TENM3: variants seen among roughly 807,000 people sequenced by gnomAD.
TENM3 encodes the protein teneurin-3.
A neutral mutation model predicts 255.1 loss-of-function variants in TENM3; 63 were observed. The ratio of observed to expected loss-of-function variants is 0.25; its 90% confidence interval spans 0.20 to 0.30. The LOEUF (loss-of-function observed/expected upper bound fraction) is 0.30, where lower values mean the gene tolerates loss of function less well. TENM3 is among the 10% of genes least tolerant of loss of function. The probability of loss-of-function intolerance (pLI) is 1.00; values close to 1 mark genes in which losing one functional copy is unlikely to be tolerated. For missense variants in TENM3, 2,929 were observed against 3,461.1 expected (o/e 0.85, Z 3.86); for synonymous variants, 1,306 against 1,322.3 (o/e 0.99, Z 0.27).
the TENM3 span, chr4:181,976,386 T>G: frequency 6.6e-6 from 1 of 152,232 alleles, no homozygotes; most frequent in South Asian, 2.1e-4. Flanking sequence ...CCCAAAGTGC[T>G]GGGGTTATGG....
At chr4:181,966,871 C>A in the TENM3 span, among the ~76,000 whole-genome samples, 1 of 152,112 alleles carries the variant, frequency 6.6e-6, no homozygotes, top group Non-Finnish European at 1.5e-5. Flanking sequence ...CCCACCTGGA[C>A]CACCTATTAG....
intron 7 of TENM3, among the ~76,000 whole-genome samples, chr4:182,676,680 T>C (rs1261773964): frequency 1.3e-5 from 2 of 152,226 alleles, no homozygotes; most frequent in Non-Finnish European, 2.9e-5. Flanking sequence ...TTAAATGGTC[T>C]ATTAGATAAT....
chr4:182,612,762 C>T (rs1749138985), intron 4 of TENM3, among the ~76,000 whole-genome samples: 1 of 152,072 alleles, frequency 6.6e-6, no homozygotes, highest in African/African-American at 2.4e-5. Context: ...CACACACACA[C>T]ACACACAGTG....
At chr4:181,674,469 C>T in the TENM3 span, among the ~76,000 whole-genome samples, 3 of 149,120 alleles carry the variant, frequency 2.0e-5, no homozygotes, top group African/African-American at 7.4e-5. Flanking sequence ...AGTCAGACAA[C>T]ATCAAATGGT....
At chr4:182,270,796 T>C (rs1188464880) in intron 1 of TENM3, among the ~76,000 whole-genome samples, 2 of 152,230 alleles carry the variant, frequency 1.3e-5, no homozygotes, top group Admixed American at 1.3e-4. Context: ...CCTCTAAAGA[T>C]GGAGAATCTA....
At chr4:182,780,580 C>A (rs577040210) in intron 24 of TENM3, among the ~76,000 whole-genome samples, 199 of 127,318 alleles carry the variant, frequency 1.6e-3, no homozygotes, top group Non-Finnish European at 2.2e-3. Flanking sequence ...TAGTTTTTTC[C>A]AATTCTGTGA....
the TENM3 span, among the ~76,000 whole-genome samples, chr4:182,130,159 T>C: frequency 2.0e-5 from 3 of 152,148 alleles, no homozygotes; most frequent in Admixed American, 6.5e-5. Context: ...TAATGTGCAA[T>C]TTAATTTAAA....
the TENM3 span, among the ~76,000 whole-genome samples, chr4:182,135,676 C>T: frequency 1.3e-5 from 2 of 152,208 alleles, no homozygotes; most frequent in East Asian, 1.9e-4. Flanking sequence ...CGAACTTCGT[C>T]GTAAGTATGT....
At chr4:182,083,632 A>C in the TENM3 span, among the ~76,000 whole-genome samples, 1 of 152,244 alleles carries the variant, frequency 6.6e-6, no homozygotes. Flanking sequence ...TTACATGTCA[A>C]ATCACATACT....
chr4:182,650,889 A>AAAAAATAT (rs1281790163), intron 5 of TENM3, among the ~76,000 whole-genome samples: 20 of 29,750 alleles, frequency 6.7e-4, no homozygotes, highest in Non-Finnish European at 4.6e-4. Flanking sequence ...AATAAAAAAA[A>AAAAAATAT]ATATATATAT....
chr4:182,541,128 A>G (rs946892747), intron 3 of TENM3, among the ~76,000 whole-genome samples: 10 of 152,244 alleles, frequency 6.6e-5, no homozygotes, highest in Non-Finnish European at 1.5e-4. Flanking sequence ...TGGTTCCCAG[A>G]ATTCTAGCTC....
At chr4:181,725,420 C>CTTT in the TENM3 span, among the ~76,000 whole-genome samples, 1,101 of 133,760 alleles carry the variant, frequency 8.2e-3, 17 homozygotes, top group African/African-American at 0.029. Flanking sequence ...CTTTTTCTTT[C>CTTT]TTTTTTTTTT....
At chr4:182,019,838 T>C in the TENM3 span, among the ~76,000 whole-genome samples, 1 of 152,064 alleles carries the variant, frequency 6.6e-6, no homozygotes. Flanking sequence ...CTAATTTTTG[T>C]ACTTTTTTGT....
At chr4:182,338,111 T>G (rs925321745) in intron 2 of TENM3, among the ~76,000 whole-genome samples, 8 of 152,142 alleles carry the variant, frequency 5.3e-5, no homozygotes, top group African/African-American at 1.9e-4. Flanking sequence ...TACCTAAATA[T>G]TAATAAATAC....
the TENM3 span, among the ~76,000 whole-genome samples, chr4:181,625,414 C>T: frequency 6.6e-6 from 1 of 152,140 alleles, no homozygotes; most frequent in South Asian, 2.1e-4. Flanking sequence ...TCTGCTACGT[C>T]CTGCCCATCA....
chr4:182,434,076 T>C (rs570906761), intron 3 of TENM3, among the ~76,000 whole-genome samples: 22 of 151,848 alleles, frequency 1.4e-4, no homozygotes, highest in Non-Finnish European at 2.6e-4. Flanking sequence ...ATTGCACCAT[T>C]GCAATCTAGC....
the TENM3 span, among the ~76,000 whole-genome samples, chr4:181,822,220 G>A: frequency 6.6e-6 from 1 of 152,170 alleles, no homozygotes; most frequent in African/African-American, 2.4e-5. Flanking sequence ...TGCTCACACA[G>A]TGAGATAAAA....
At chr4:182,197,171 A>G (rs1753881348) in intron 1 of TENM3, among the ~76,000 whole-genome samples, 1 of 152,174 alleles carries the variant, frequency 6.6e-6, no homozygotes, top group Non-Finnish European at 1.5e-5. Flanking sequence ...TTTGTTGTCT[A>G]CAAGCTTTTT....
At chr4:181,479,905 G>A in the TENM3 span, among the ~76,000 whole-genome samples, 56 of 152,192 alleles carry the variant, frequency 3.7e-4, 1 homozygote, top group South Asian at 0.011. Context: ...AAAGTGCTTT[G>A]TAAAATTTTC....
Sources: allele counts gnomAD v4.1 joint callset (sites outside exome capture counted in the v4.1 genomes callset), GRCh38; gene constraint gnomAD v4.1.1; transcripts MANE v1.5; gene names NCBI Gene and HGNC (gene_info 2026-07-23, HGNC 2026-07-21).